The following NUP62 variants were observed in gnomAD, a reference collection of about 807,000 sequenced individuals.
The protein encoded by NUP62 is nucleoporin 62, also known as nuclear pore glycoprotein p62.
For synonymous variants in NUP62, 305 were observed against 303.4 expected, an observed-to-expected ratio of 1.01 and a Z score of -0.05; for missense variants, 647 against 689.4, an observed-to-expected ratio of 0.94 and a Z score of 0.69.
chr19:49,909,086 G>A lies in NUP62; in HGVS notation c.722C>T (p.Thr241Ile). 3.1e-6 allele frequency: 5 copies of A among 1,612,616 alleles called. No individual in the cohort carries two copies. The highest frequency in any genetic ancestry group is 4.2e-6 in the Non-Finnish European group (5 of 1,180,044). The change falls in exon 3 of 3, where the codon ACC (threonine) becomes ATC (isoleucine). Residue 241 changes from threonine (T) to isoleucine (I), a missense_variant. Transcript: ENST00000352066. ...GGGGGCGCCCGCTGTGGTCACAGGG[G>A]TACAGAGGGAGAGTCCAGTGGTGGC... ...SSATTGLSLC[T>I]PVTTAGAPTA... is the part of the protein sequence containing the mutation.
chr19:49,916,069 C>T (rs2075615288), intron 2 of NUP62, among the ~76,000 whole-genome samples: 1 of 152,222 alleles, frequency 6.6e-6, no homozygotes, highest in Admixed American at 6.5e-5. Context: ...CAGAGCACTG[C>T]ACTGCAGCAC....
intron 2 of NUP62, among the ~76,000 whole-genome samples, chr19:49,920,915 T>C (rs1433581808): frequency 1.3e-5 from 2 of 151,776 alleles, no homozygotes; most frequent in Non-Finnish European, 2.9e-5. Context: ...GGAGAGGCAG[T>C]GATGTTGGTG....
At chr19:49,918,906 G>C (rs1406725129) in intron 2 of NUP62, among the ~76,000 whole-genome samples, 5 of 145,166 alleles carry the variant, frequency 3.4e-5, no homozygotes, top group South Asian at 5.3e-4. Flanking sequence ...GGGGGGGGGG[G>C]GGCGGGGTGT....
In NUP62 at chr19:49,921,900, T is replaced by TCCAGA. The variant is rs2075773606; in HGVS notation, c.-78+5793_-78+5794insTCTGG. ...GAGCTGCCTCCTCTGGACACAGCGG[T>TCCAGA]GGCTCTCACCTCCCTTCCATCTTGG... On this transcript the variant is annotated intron_variant, in intron 2 of 2. Coordinates refer to ENST00000352066, the MANE Select transcript of NUP62 (RefSeq NM_016553.5). The surrounding 1 kb of genome is among the most constrained non-coding windows in gnomAD (Gnocchi z 5.4). Among the ~76,000 whole-genome samples, 1 of 152,186 alleles carries TCCAGA rather than the reference T, an allele frequency of 6.6e-6. No homozygotes were observed. The highest frequency in any genetic ancestry group is 6.5e-5 in the Admixed American group (1 of 15,282).
chr19:49,926,933 G>A (rs1175393653), intron 2 of NUP62, among the ~76,000 whole-genome samples: 1 of 149,346 alleles, frequency 6.7e-6, no homozygotes, highest in Non-Finnish European at 1.5e-5. Context: ...TCGGCTTACT[G>A]CAACCTCCGC....
At chr19:49,913,433 G>A (rs932796253) in intron 2 of NUP62, among the ~76,000 whole-genome samples, 1 of 152,190 alleles carries the variant, frequency 6.6e-6, no homozygotes, top group East Asian at 1.9e-4. Context: ...TAGAGTGGGG[G>A]CTTTGGGTCA....
In NUP62 at chr19:49,907,474, A is replaced by G. The variant is rs1036204360; in HGVS notation, c.*765T>C. On this transcript the variant is annotated 3_prime_UTR_variant, in exon 3 of 3. Transcript: ENST00000352066. ...GTGCTGCTTTGCCTTGGTGGTTAGC[A>G]TGGTTAGCTTTCACAAGCACAAGCT... The G allele has an allele frequency of 2.3e-5, 10 of 437,644 alleles. No individual in the cohort carries two copies. The highest frequency in any genetic ancestry group is 2.1e-4 in the Admixed American group (8 of 38,002). 27.1% of individuals were successfully genotyped at this position (437,644 alleles called of 1,614,324 possible). A position where few individuals can be genotyped will look rare whatever the true frequency, so the allele number is the denominator to read the frequency against.
chr19:49,913,273 GTTCAAATCTGCACAT>G (rs2075526026), intron 2 of NUP62: 1 of 152,322 alleles, frequency 6.6e-6, no homozygotes, highest in African/African-American at 2.4e-5. Context: ...AGCCTGGGCT[GTTCAAATCTGCACAT>G]TCCAAAGAGA....
chr19:49,915,897 G>A (rs1319005345), intron 2 of NUP62, among the ~76,000 whole-genome samples: 16 of 152,234 alleles, frequency 1.1e-4, no homozygotes, highest in Non-Finnish European at 1.9e-4. Flanking sequence ...GGTTGCCTCC[G>A]AACACAGAGG....
In NUP62 at chr19:49,909,225, G is replaced by A; in HGVS notation, c.583C>T (p.Pro195Ser). Residue 195 changes from proline (P) to serine (S), a missense_variant, in exon 3 of 3, where the codon CCA becomes TCA. Pro to Ser is a moderately conservative substitution (Grantham distance 74). Transcript: ENST00000352066. ...PATLPFTPAT[P>S]AATTAGATQP... ...GTGGCACCTGCTGTGGTGGCTGCTG[G>A]CGTGGCCGGAGTGAAGGGCAACGTG... The A allele has an allele frequency of 1.2e-6, 2 of 1,614,052 alleles. No individual in the cohort carries two copies. Among genetic ancestry groups the A allele is most frequent in the Non-Finnish European group, 1.7e-6 (2 of 1,179,962 alleles).
chr19:49,914,726 G>GTTTTTTTTTTTTTT lies in NUP62; in HGVS notation c.-77-4856_-77-4843dup, dbSNP rs530372497. ...GATTCTTGTGCCACTCCAAGTCCCA[G>GTTTTTTTTTTTTTT]TTTTTTTTTTTTTTTTTTTTTTTTT... On this transcript the variant is annotated intron_variant, in intron 2 of 2. Coordinates refer to ENST00000352066, the MANE Select transcript of NUP62 (RefSeq NM_016553.5). 3.9e-4 allele frequency among the ~76,000 whole-genome samples: 22 copies of GTTTTTTTTTTTTTT among 56,396 alleles called. 4 individuals are homozygous for GTTTTTTTTTTTTTT. The highest frequency in any genetic ancestry group is 5.8e-4 in the African/African-American group (9 of 15,444). The allele number at this position is 56,396 out of a possible 152,430, so 37.0% of individuals were successfully genotyped here.
At chr19:49,929,249 C>A (rs2076002237) in intron 1 of NUP62, 77 bp downstream of exon 1, 1 of 153,566 alleles carries the variant, frequency 6.5e-6, no homozygotes, top group African/African-American at 2.4e-5. Context: ...ACAGTGTCGC[C>A]GCCTCTGCCT....
Position 49,925,430 on chromosome 19 carries a change from C to A in NUP62, c.-78+2264G>T, listed in dbSNP as rs142564599. On this transcript the variant is annotated intron_variant, in intron 2 of 2. Coordinates refer to ENST00000352066, the MANE Select transcript of NUP62 (RefSeq NM_016553.5). ...GGCAACATAGTAAGACCCTCCCCCC[C>A]ATCTCTACTAAAAAAAGCCAAAAAA... Among the ~76,000 whole-genome samples, 13 of 143,016 alleles carry A rather than the reference C, an allele frequency of 9.1e-5. No individual in the cohort carries two copies. In the East Asian group the frequency reaches 1.7e-3, roughly 19 times the overall value. 93.8% of individuals were successfully genotyped at this position (143,016 alleles called of 152,430 possible). A position where few individuals can be genotyped will look rare whatever the true frequency, so the allele number is the denominator to read the frequency against.
chr19:49,923,221 G>A (rs1458809140), intron 2 of NUP62, among the ~76,000 whole-genome samples: 1 of 152,186 alleles, frequency 6.6e-6, no homozygotes, highest in Non-Finnish European at 1.5e-5. Context: ...CAACTGAGCT[G>A]GCCTTGGCCT....
chr19:49,925,279 A>T (rs1352247575), intron 2 of NUP62, among the ~76,000 whole-genome samples: 1 of 151,984 alleles, frequency 6.6e-6, no homozygotes, highest in Non-Finnish European at 1.5e-5. Context: ...CAAAAAAATT[A>T]AAAAACAAAA....
At chr19:49,927,944 A>C (rs909689065) in intron 1 of NUP62, 129 bp from the exon 2 acceptor site, 1 of 152,230 alleles carries the variant, frequency 6.6e-6, no homozygotes, top group Admixed American at 6.6e-5. Flanking sequence ...GGGTTGGGAG[A>C]TAGTTCCTAT....
At chr19:49,912,166 CTTTTTTTTT>C (rs60350799) in intron 2 of NUP62, among the ~76,000 whole-genome samples, 1 of 115,486 alleles carries the variant, frequency 8.7e-6, no homozygotes, top group African/African-American at 3.3e-5. Flanking sequence ...AACAGTTCAC[CTTTTTTTTT>C]TTTTTTTTTT....
In NUP62 at chr19:49,908,950, G is replaced by A. The variant is rs752495361; in HGVS notation, c.858C>T (p.Ser286=). 6.4e-7 allele frequency: 1 copy of A among 1,567,384 alleles called. No homozygotes were observed. The highest frequency in any genetic ancestry group is 1.1e-5 in the South Asian group (1 of 88,974). The part of the protein sequence containing the change: ...TATATTTSSS[S]TTGFALNLKP... ...TTAAATTCAAGGCAAAGCCGGTGGT[G>A]CTGCTGCTGCTGGTGGTGGTGGCGG... Residue 286 remains serine (S), a synonymous_variant, in exon 3 of 3, where the codon AGC becomes AGT. Coordinates refer to ENST00000352066, the MANE Select transcript of NUP62 (RefSeq NM_016553.5).
chr19:49,913,547 T>C (rs1342617675), intron 2 of NUP62, among the ~76,000 whole-genome samples: 1 of 152,208 alleles, frequency 6.6e-6, no homozygotes, highest in East Asian at 1.9e-4. Context: ...CACTGCTCCG[T>C]AAGCGTTACC....
Sources: gnomAD v4.1 joint callset for allele counts (sites outside exome capture counted in the v4.1 genomes callset) on GRCh38, gnomAD v4.1.1 for gene constraint, Gnocchi (gnomAD v3.1) non-coding constraint, MANE v1.5 for transcripts, NCBI Gene and HGNC (gene_info 2026-07-23, HGNC 2026-07-21) for gene names.